BLTP3A: variants seen among roughly 807,000 people sequenced by gnomAD.
BLTP3A encodes the protein ICBP90 binding protein 1.
At chr6:34,826,939 C>G in the BLTP3A span, among the ~76,000 whole-genome samples, 1,291 of 152,282 alleles carry the variant, frequency 8.5e-3, 19 homozygotes, top group African/African-American at 0.027. Flanking sequence ...AGACTATTGT[C>G]TGCAAAACTG....
At chr6:34,799,052 C>G in the BLTP3A span, among the ~76,000 whole-genome samples, 1 of 152,118 alleles carries the variant, frequency 6.6e-6, no homozygotes, top group Non-Finnish European at 1.5e-5. Context: ...TGTGATCCTC[C>G]TGCCTCAGCC....
the BLTP3A span, among the ~76,000 whole-genome samples, chr6:34,820,814 A>ATTTTTTTTTTTT: frequency 9.7e-6 from 1 of 102,814 alleles, no homozygotes; most frequent in Non-Finnish European, 1.8e-5. Context: ...ACCATGCCTA[A>ATTTTTTTTTTTT]TTTTTTTTTT....
the BLTP3A span, among the ~76,000 whole-genome samples, chr6:34,847,535 G>A: frequency 6.6e-6 from 1 of 151,964 alleles, no homozygotes; most frequent in South Asian, 2.1e-4. Context: ...GATCTTAGTA[G>A]GCTGTATATA....
the BLTP3A span, chr6:34,858,315 G>A: frequency 6.2e-7 from 1 of 1,614,104 alleles, no homozygotes; most frequent in Non-Finnish European, 8.5e-7. Context: ...ACTTTCCTAA[G>A]GTTCCAGGTG....
the BLTP3A span, among the ~76,000 whole-genome samples, chr6:34,794,797 T>A: frequency 6.6e-6 from 1 of 152,004 alleles, no homozygotes; most frequent in African/African-American, 2.4e-5. Context: ...TTTGTTTTTT[T>A]TTTTTTGAGA....
chr6:34,792,429 T>C, the BLTP3A span: 1 of 893,410 alleles, frequency 1.1e-6, no homozygotes, highest in South Asian at 2.5e-5. Flanking sequence ...AGCCCCTGCC[T>C]AACTCGAGCC....
the BLTP3A span, chr6:34,858,664 A>G: frequency 5.6e-6 from 9 of 1,614,192 alleles, no homozygotes; most frequent in Non-Finnish European, 6.8e-6. Flanking sequence ...CCCTGACTCT[A>G]TGTCCCATCC....
the BLTP3A span, among the ~76,000 whole-genome samples, chr6:34,827,101 A>C: frequency 1.3e-5 from 2 of 152,160 alleles, no homozygotes; most frequent in African/African-American, 2.4e-5. Flanking sequence ...TCACGAGGTC[A>C]GGAGATCGAG....
the BLTP3A span, among the ~76,000 whole-genome samples, chr6:34,831,620 C>G: frequency 3.5e-4 from 53 of 152,276 alleles, no homozygotes; most frequent in South Asian, 8.9e-3. Context: ...ATTTGAATCT[C>G]TAGTCCATCT....
the BLTP3A span, among the ~76,000 whole-genome samples, chr6:34,846,072 T>G: frequency 9.5e-5 from 12 of 125,670 alleles, no homozygotes; most frequent in African/African-American, 2.9e-4. Flanking sequence ...CACTTCCATT[T>G]CTTTTCCCTC....
At chr6:34,806,774 C>T in the BLTP3A span, among the ~76,000 whole-genome samples, 1 of 152,188 alleles carries the variant, frequency 6.6e-6, no homozygotes, top group Admixed American at 6.5e-5. Context: ...GATTCTTCTG[C>T]CTCAGCTTTC....
chr6:34,844,512 T>C, the BLTP3A span, among the ~76,000 whole-genome samples: 1 of 152,158 alleles, frequency 6.6e-6, no homozygotes, highest in Non-Finnish European at 1.5e-5. Context: ...TGGTTTCAAG[T>C]GATCTGCCCG....
At chr6:34,869,406 A>G in the BLTP3A span, among the ~76,000 whole-genome samples, 5 of 152,134 alleles carry the variant, frequency 3.3e-5, no homozygotes, top group Non-Finnish European at 5.9e-5. Context: ...GGTAATCACT[A>G]TCCTGAATTT....
At chr6:34,809,744 C>T in the BLTP3A span, among the ~76,000 whole-genome samples, 6 of 151,844 alleles carry the variant, frequency 4.0e-5, no homozygotes, top group Non-Finnish European at 5.9e-5. Context: ...TTAGTAGGGA[C>T]GGGGTTTCAT....
chr6:34,819,732 G>T, the BLTP3A span, among the ~76,000 whole-genome samples: 1 of 152,200 alleles, frequency 6.6e-6, no homozygotes, highest in African/African-American at 2.4e-5. Context: ...GTTCAGCCTT[G>T]CATGGCAGAT....
the BLTP3A span, among the ~76,000 whole-genome samples, chr6:34,845,620 G>A: frequency 6.6e-6 from 1 of 150,494 alleles, no homozygotes; most frequent in East Asian, 1.9e-4. Context: ...TTTTTGAGAT[G>A]GAGTCTTGCT....
At chr6:34,794,222 A>ATATT in the BLTP3A span, among the ~76,000 whole-genome samples, 1 of 118,296 alleles carries the variant, frequency 8.5e-6, no homozygotes, top group Non-Finnish European at 1.7e-5. Flanking sequence ...CAAAGGATAA[A>ATATT]TGCTTGAGAG....
chr6:34,862,616 C>T, the BLTP3A span, among the ~76,000 whole-genome samples: 37 of 151,992 alleles, frequency 2.4e-4, no homozygotes, highest in African/African-American at 8.2e-4. Flanking sequence ...AGGCAGATCA[C>T]GAGGTCAGGA....
At chr6:34,843,301 T>A in the BLTP3A span, among the ~76,000 whole-genome samples, 1 of 152,172 alleles carries the variant, frequency 6.6e-6, no homozygotes, top group Non-Finnish European at 1.5e-5. Context: ...CTTTTATTTT[T>A]TTTTTGCCCA....
Sources: allele counts gnomAD v4.1 joint callset (sites outside exome capture counted in the v4.1 genomes callset), GRCh38; gene constraint gnomAD v4.1.1; transcripts MANE v1.5; gene names NCBI Gene and HGNC (gene_info 2026-07-23, HGNC 2026-07-21).